AFG1L: variants seen among roughly 807,000 people sequenced by gnomAD.
AFG1L encodes the protein AFG1 like ATPase.
A neutral mutation model predicts 62.2 loss-of-function variants in AFG1L; 53 were observed. The ratio of observed to expected loss-of-function variants is 0.85; its 90% CI spans 0.68 to 1.07. The LOEUF is 1.07. Among genes scored for constraint, AFG1L ranks in the 50% least tolerant of loss-of-function variants. The pLI is 0.00. For synonymous variants in AFG1L, 228 were observed against 210.3 expected, an observed-to-expected ratio of 1.08 and a Z score of -0.73; for missense variants, 555 against 590.5, an observed-to-expected ratio of 0.94 and a Z score of 0.62.
chr6:108,310,359 G>A (rs1267553884), intron 1 of AFG1L, among the ~76,000 whole-genome samples: 4 of 152,002 alleles, frequency 2.6e-5, no homozygotes, highest in Admixed American at 2.6e-4. Context: ...ATATTTCCCA[G>A]GTGACTAATG....
chr6:108,377,333 T>C (rs1780292096), intron 6 of AFG1L, among the ~76,000 whole-genome samples: 1 of 152,202 alleles, frequency 6.6e-6, no homozygotes, highest in Non-Finnish European at 1.5e-5. Flanking sequence ...TTTTTCTTTA[T>C]AGGGTCTGTG....
At chr6:108,489,554 GCTGGACAGAGTATGGA>G (rs1312301187) in intron 10 of AFG1L, among the ~76,000 whole-genome samples, 1 of 152,220 alleles carries the variant, frequency 6.6e-6, no homozygotes, top group African/African-American at 2.4e-5. Context: ...AGGGTACATG[GCTGGACAGAGTATGGA>G]CTGGATTTCA....
intron 11 of AFG1L, among the ~76,000 whole-genome samples, chr6:108,519,180 G>A (rs907441304): frequency 6.6e-6 from 1 of 152,162 alleles, no homozygotes; most frequent in Non-Finnish European, 1.5e-5. Context: ...TCGCATGGTG[G>A]AAGGAATGGA....
At chr6:108,469,625 G>A (rs1242106208) in intron 8 of AFG1L, among the ~76,000 whole-genome samples, 1 of 152,170 alleles carries the variant, frequency 6.6e-6, no homozygotes, top group African/African-American at 2.4e-5. Flanking sequence ...AGGCTTGCTG[G>A]GGATTTTATA....
chr6:108,410,306 C>CAA (rs531126125), intron 7 of AFG1L, among the ~76,000 whole-genome samples: 1 of 139,730 alleles, frequency 7.2e-6, no homozygotes, highest in African/African-American at 2.6e-5. Flanking sequence ...CTCTGTCTTC[C>CAA]AAAAAAAAAA....
At chr6:108,510,134 T>A in intron 10 of AFG1L, 78 bp from the exon 11 acceptor site, 1 of 1,029,312 alleles carries the variant, frequency 9.7e-7, no homozygotes, top group Non-Finnish European at 1.4e-6. Flanking sequence ...AAGAAAGAGG[T>A]GTTTTTACAC....
At chr6:108,389,413 C>T (rs958776630) in intron 6 of AFG1L, among the ~76,000 whole-genome samples, 16 of 152,128 alleles carry the variant, frequency 1.1e-4, no homozygotes, top group South Asian at 4.2e-4. Context: ...AATTTGATCC[C>T]GTCATTATGA....
chr6:108,385,353 C>T (rs912509247), intron 6 of AFG1L, among the ~76,000 whole-genome samples: 10 of 152,324 alleles, frequency 6.6e-5, no homozygotes, highest in East Asian at 5.8e-4. Context: ...CCACCCAGGG[C>T]GGAAAACCGC....
At chr6:108,426,103 G>A (rs942987796) in intron 7 of AFG1L, among the ~76,000 whole-genome samples, 1 of 152,056 alleles carries the variant, frequency 6.6e-6, no homozygotes, top group African/African-American at 2.4e-5. Context: ...AAATGGGTAG[G>A]GGTCATTTTT....
intron 8 of AFG1L, among the ~76,000 whole-genome samples, chr6:108,457,789 T>C (rs897192381): frequency 9.9e-5 from 15 of 152,154 alleles, no homozygotes. Context: ...CTGCTGGTGA[T>C]GAATTTTCTC....
At chr6:108,432,220 A>G (rs950328530) in intron 7 of AFG1L, among the ~76,000 whole-genome samples, 9 of 152,056 alleles carry the variant, frequency 5.9e-5, no homozygotes, top group Admixed American at 2.6e-4. Context: ...TGTATAACTT[A>G]CGGTCATCTG....
intron 7 of AFG1L, among the ~76,000 whole-genome samples, chr6:108,407,390 G>C (rs574591091): frequency 5.3e-5 from 8 of 152,202 alleles, no homozygotes; most frequent in African/African-American, 1.9e-4. Flanking sequence ...TGGGATATAT[G>C]AGTCAAAGAT....
intron 10 of AFG1L, among the ~76,000 whole-genome samples, chr6:108,505,497 CA>C (rs1303067133): frequency 6.6e-6 from 1 of 151,994 alleles, no homozygotes; most frequent in Non-Finnish European, 1.5e-5. Flanking sequence ...CAAACAAAAA[CA>C]ACAGACAATA....
At chr6:108,353,528 A>G (rs1779157555) in intron 3 of AFG1L, among the ~76,000 whole-genome samples, 1 of 151,764 alleles carries the variant, frequency 6.6e-6, no homozygotes. Flanking sequence ...CTCACCAGCA[A>G]TGCACAGATT....
At chr6:108,344,815 A>G in intron 2 of AFG1L, 1 of 470,422 alleles carries the variant, frequency 2.1e-6, no homozygotes, top group South Asian at 1.6e-5. Flanking sequence ...TACTCGTCTA[A>G]GTGTAACAAA....
chr6:108,410,337 C>T lies in AFG1L; in HGVS notation c.807+8283C>T, dbSNP rs115539381. On this transcript the variant is annotated intron_variant, in intron 7 of 12. Coordinates refer to ENST00000368977, the MANE Select transcript of AFG1L (RefSeq NM_145315.5). ...AAAAAAGATCATAAATTTTTTGATG[C>T]ACAACTGAACCTGAACCTGAAGGAT... 8.8e-3 allele frequency among the ~76,000 whole-genome samples: 1,341 copies of T among 151,886 alleles called. 14 individuals are homozygous for T. The highest frequency in any genetic ancestry group is 0.03 in the African/African-American group (1,236 of 41,410).
Position 108,458,614 on chromosome 6 carries a change from G to T in AFG1L, c.890+11318G>T, listed in dbSNP as rs72938672. ...TAGACACACACCACCATGCTGCGGG[G>T]GTTTCTTTTTTATATCTTCTTTGTT... On this transcript the variant is annotated intron_variant, in intron 8 of 12. Transcript: ENST00000368977. 7.2e-5 allele frequency among the ~76,000 whole-genome samples: 11 copies of T among 151,896 alleles called. No homozygotes were observed. In the South Asian group the frequency reaches 2.3e-3, roughly 32 times the overall value.
Position 108,466,111 on chromosome 6 carries a change from T to A in AFG1L, c.891-10754T>A, listed in dbSNP as rs531852254. Among the ~76,000 whole-genome samples the A allele has an allele frequency of 3.8e-4, 58 of 152,316 alleles. No homozygotes were observed. The South Asian group carries it at 6.0e-3, about 16-fold the overall frequency. On this transcript the variant is annotated intron_variant, in intron 8 of 12. Transcript: ENST00000368977. ...CAACTTATATTGAAGTCATTTATAA[T>A]TTATCCACCATAATCACTAAAATGG...
At chr6:108,354,623 C>T (rs1021798988) in intron 3 of AFG1L, among the ~76,000 whole-genome samples, 1 of 151,778 alleles carries the variant, frequency 6.6e-6, no homozygotes, top group African/African-American at 2.4e-5. Flanking sequence ...ATGTTTTTAA[C>T]AGAGAAGGCC....
Sources: allele counts gnomAD v4.1 joint callset (sites outside exome capture counted in the v4.1 genomes callset), GRCh38; gene constraint gnomAD v4.1.1; transcripts MANE v1.5; gene names NCBI Gene and HGNC (gene_info 2026-07-23, HGNC 2026-07-21).